The following ROBO2 variants were observed in gnomAD, a reference collection of about 807,000 sequenced individuals.
ROBO2 encodes roundabout guidance receptor 2.
ROBO2 carries 53 observed loss-of-function variants against 160.8 expected under a neutral mutation model. The ratio of observed to expected loss-of-function variants is 0.33; its 90% CI spans 0.26 to 0.41. The LOEUF (loss-of-function observed/expected upper bound fraction) is 0.41. Among genes scored for constraint, ROBO2 ranks in the 10% least tolerant of loss-of-function variants. ROBO2 has a pLI of 1.00. For synonymous variants in ROBO2, 664 were observed against 611.7 expected, an observed-to-expected ratio of 1.09 and a Z score of -1.26; for missense variants, 1,577 against 1,722.4, an observed-to-expected ratio of 0.92 and a Z score of 1.49.
At chr3:77,624,230 T>C (rs1010865100) in intron 23 of ROBO2, among the ~76,000 whole-genome samples, 2 of 151,250 alleles carry the variant, frequency 1.3e-5, no homozygotes, top group Non-Finnish European at 2.9e-5. Context: ...AACTCACTTT[T>C]TTTTTCCTTT....
At position 77,426,521 on chromosome 3, in the gene ROBO2, TC is replaced by T. The variant is rs145186597; in HGVS notation, c.389-50892del. 9.6e-3 allele frequency among the ~76,000 whole-genome samples: 1,467 copies of T among 152,068 alleles called. 25 individuals are homozygous for T. Among genetic ancestry groups the T allele is most frequent in the African/African-American group, 0.033 (1,387 of 41,450 alleles). The stretch of plus-strand genomic sequence containing the variant: ...TATAGATAATTGAAGGTATAGAAAT[TC>T]TTTTTCTTGATCATAAAGGGGGAAA... On this transcript the variant is annotated intron_variant, in intron 2 of 25. Coordinates refer to ENST00000461745, the Ensembl canonical transcript of ROBO2.
At chr3:77,037,616 G>T (rs924913412), upstream of ROBO2, among the ~76,000 whole-genome samples, 2 of 152,156 alleles carry the variant, frequency 1.3e-5, no homozygotes, top group South Asian at 2.1e-4. Context: ...CATGGCAATT[G>T]GTGGTAGGCT....
intron 2 of ROBO2, among the ~76,000 whole-genome samples, chr3:76,834,062 T>TTTCCTTTCTTTCTTTCTTTCTTTCTTTC (rs368797764): frequency 1.1e-5 from 1 of 88,012 alleles, no homozygotes; most frequent in African/African-American, 4.5e-5. Context: ...CCTTTCTTTC[T>TTTCCTTTCTTTCTTTCTTTCTTTCTTTC]TTTCTTTCTT....
intron 5 of ROBO2, among the ~76,000 whole-genome samples, chr3:77,505,241 AG>A (rs2088304461): frequency 1.3e-5 from 2 of 152,210 alleles, no homozygotes; most frequent in African/African-American, 4.8e-5. Flanking sequence ...CACACCTGGT[AG>A]GAAGCTGAAA....
chr3:76,029,382 ATACTTT>A (rs2066844820), intron 2 of ROBO2, among the ~76,000 whole-genome samples: 1 of 152,054 alleles, frequency 6.6e-6, no homozygotes, highest in African/African-American at 2.4e-5. Context: ...TATTATTATT[ATACTTT>A]AAGTTCTAGG....
intron 2 of ROBO2, among the ~76,000 whole-genome samples, chr3:77,021,540 G>A (rs1038009374): frequency 6.6e-6 from 1 of 152,160 alleles, no homozygotes; most frequent in Admixed American, 6.5e-5. Flanking sequence ...CCTCATTCCA[G>A]AGGAGGTCCT....
At chr3:76,829,056 C>G (rs940702664) in intron 2 of ROBO2, among the ~76,000 whole-genome samples, 2 of 152,082 alleles carry the variant, frequency 1.3e-5, no homozygotes, top group Non-Finnish European at 2.9e-5. Flanking sequence ...CAGCATCTTC[C>G]CTTTCTCTTT....
At chr3:76,106,299 A>G (rs1464680453) in intron 2 of ROBO2, among the ~76,000 whole-genome samples, 2 of 152,164 alleles carry the variant, frequency 1.3e-5, no homozygotes, top group Non-Finnish European at 2.9e-5. Flanking sequence ...ACAAACACAA[A>G]AGCAAAATAA....
chr3:77,576,416 T>C (rs938609776), intron 14 of ROBO2, among the ~76,000 whole-genome samples: 4 of 152,140 alleles, frequency 2.6e-5, no homozygotes, highest in African/African-American at 9.7e-5. Context: ...GCATTGATGA[T>C]TCTACATAAA....
intron 6 of ROBO2, among the ~76,000 whole-genome samples, chr3:77,544,811 T>C (rs1436208077): frequency 6.6e-6 from 1 of 152,092 alleles, no homozygotes; most frequent in Non-Finnish European, 1.5e-5. Flanking sequence ...AGAAGCGAGT[T>C]AAAGTGGATA....
chr3:76,084,377 G>A (rs927960961), intron 2 of ROBO2, among the ~76,000 whole-genome samples: 6 of 151,750 alleles, frequency 4.0e-5, no homozygotes. Flanking sequence ...TTAATTAATT[G>A]TGCTACATAT....
chr3:76,671,602 G>A (rs2092264539), intron 2 of ROBO2, among the ~76,000 whole-genome samples: 1 of 151,992 alleles, frequency 6.6e-6, no homozygotes. Flanking sequence ...TCCTTGCTTA[G>A]CAACACAACA....
chr3:77,103,075 G>A (rs183475047), intron 2 of ROBO2, among the ~76,000 whole-genome samples: 11 of 152,196 alleles, frequency 7.2e-5, no homozygotes, highest in East Asian at 5.8e-4. Flanking sequence ...GAACACTGGC[G>A]CTCCCTGTTT....
intron 2 of ROBO2, among the ~76,000 whole-genome samples, chr3:77,403,888 G>A (rs2076039664): frequency 6.6e-6 from 1 of 151,356 alleles, no homozygotes; most frequent in African/African-American, 2.4e-5. Flanking sequence ...TTTTTAAGTT[G>A]GCACTCTGTT....
rs746281790 is a variant in ROBO2, at chr3:76,438,137, A to C, written c.109+500535A>C. 2.0e-5 allele frequency among the ~76,000 whole-genome samples: 3 copies of C among 152,164 alleles called. No homozygotes were observed. In the South Asian group the frequency reaches 6.2e-4, roughly 31 times the overall value. On this transcript the variant is annotated intron_variant, in intron 2 of 26. Transcript: ENST00000487694. The stretch of plus-strand genomic sequence containing the variant: ...AGCATTTATAAGACAGGCAATATTC[A>C]TTCTTGAGAAAAAATTTATATTCTC...
rs150590812 is a variant in ROBO2, at chr3:75,974,387, C to T, written c.109+36785C>T. ...TGTTTGCTGTTGCAATTATTATCAG[C>T]ATAATAGGAAGAAATATTATGCACC... is the stretch of plus-strand genomic sequence containing the variant. On this transcript the variant is annotated intron_variant, in intron 2 of 26. Coordinates refer to the ROBO2 transcript ENST00000487694. Among the ~76,000 whole-genome samples, 1,038 of 151,646 alleles carry T rather than the reference C, an allele frequency of 6.8e-3. 16 individuals are homozygous for T. Among genetic ancestry groups the T allele is most frequent in the African/African-American group, 0.024 (1,005 of 41,462 alleles).
At chr3:76,456,906 G>A (rs916942046) in intron 2 of ROBO2, among the ~76,000 whole-genome samples, 8 of 152,142 alleles carry the variant, frequency 5.3e-5, no homozygotes, top group Admixed American at 1.3e-4. Flanking sequence ...ATCAGAGCTC[G>A]TGAGACTTAC....
intron 2 of ROBO2, among the ~76,000 whole-genome samples, chr3:76,080,870 C>T (rs1488038632): frequency 6.6e-6 from 1 of 152,102 alleles, no homozygotes; most frequent in African/African-American, 2.4e-5. Context: ...ATTCTTAAAA[C>T]TATTTTTAAT....
At position 76,803,450 on chromosome 3, in the gene ROBO2, A is replaced by AGGAAGGAAGGATGGAG. The variant is rs1344847009; in HGVS notation, c.110-294553_110-294552insTGGAGGGAAGGAAGGA. 3.5e-3 allele frequency among the ~76,000 whole-genome samples: 466 copies of AGGAAGGAAGGATGGAG among 134,132 alleles called. 10 individuals carry two copies. Among genetic ancestry groups the AGGAAGGAAGGATGGAG allele is most frequent in the African/African-American group, 0.012 (434 of 35,430 alleles). The allele number at this position is 134,132 out of a possible 152,430, so 88.0% of individuals were successfully genotyped here. A position where few individuals can be genotyped will look rare whatever the true frequency, so the allele number is the denominator to read the frequency against. ...CAAAAGAGGAGGAAGGATGGAGGGA[A>AGGAAGGAAGGATGGAG]GGAAGGAAGGAAGAAAGGAAGGAAG... is the stretch of plus-strand genomic sequence containing the variant. On this transcript the variant is annotated intron_variant, in intron 2 of 26. Transcript: ENST00000487694.
Sources: gnomAD v4.1 joint callset for allele counts (sites outside exome capture counted in the v4.1 genomes callset) on GRCh38, gnomAD v4.1.1 for gene constraint, MANE v1.5 for transcripts, NCBI Gene and HGNC (gene_info 2026-07-23, HGNC 2026-07-21) for gene names.